The following PCDH9 variants were observed in gnomAD, a reference collection of about 807,000 sequenced individuals.
PCDH9 encodes the protein protocadherin-9.
Under a neutral mutation model 70.6 loss-of-function variants are expected in PCDH9, and 24 were observed. The observed-to-expected ratio is 0.34, with a 90% CI of 0.25 to 0.48. The LOEUF is 0.48. Among genes scored for constraint, PCDH9 ranks in the 20% least tolerant of loss-of-function variants. The pLI, the probability that PCDH9 is intolerant of heterozygous loss-of-function variation, is 0.99. For missense variants in PCDH9, 1,281 were observed against 1,503.6 expected (o/e 0.85, Z 2.45); for synonymous variants, 562 against 558.5 (o/e 1.01, Z -0.09).
At chr13:66,693,963 A>G (rs1276662103) in intron 3 of PCDH9, among the ~76,000 whole-genome samples, 1 of 152,220 alleles carries the variant, frequency 6.6e-6, no homozygotes, top group African/African-American at 2.4e-5. Context: ...CAAAAATTTA[A>G]AAAAGGAATG....
At position 67,012,818 on chromosome 13, in the gene PCDH9, A is replaced by C. The variant is rs55861079; in HGVS notation, c.3037-109213T>G. ...GATTAAAGAGTCACACTGTAGCGAA[A>C]ATTCCGAAGTGTTACTATATTATAA... On this transcript the variant is annotated intron_variant, in intron 2 of 4. Coordinates refer to ENST00000377865, the MANE Select transcript of PCDH9 (RefSeq NM_203487.3). Among the ~76,000 whole-genome samples, 776 of 152,108 alleles carry C rather than the reference A, an allele frequency of 5.1e-3. 3 individuals carry two copies. Among genetic ancestry groups the C allele is most frequent in the African/African-American group, 0.017 (722 of 41,538 alleles).
intron 2 of PCDH9, among the ~76,000 whole-genome samples, chr13:66,915,978 C>A (rs1397641013): frequency 1.3e-5 from 2 of 151,496 alleles, no homozygotes; most frequent in East Asian, 3.9e-4. Context: ...ACTTCAATAT[C>A]TGGTAGACTC....
intron 3 of PCDH9, among the ~76,000 whole-genome samples, chr13:66,747,639 A>G (rs1311154938): frequency 6.6e-6 from 1 of 152,194 alleles, no homozygotes; most frequent in Non-Finnish European, 1.5e-5. Context: ...ACAGGCATAC[A>G]TATATGCATA....
intron 2 of PCDH9, among the ~76,000 whole-genome samples, chr13:67,000,981 T>C (rs575332052): frequency 6.6e-6 from 1 of 152,352 alleles, no homozygotes; most frequent in East Asian, 1.9e-4. Flanking sequence ...CCTGTCAGTT[T>C]TCTAAGTATT....
chr13:66,456,948 G>C (rs1958329000), intron 4 of PCDH9, among the ~76,000 whole-genome samples: 1 of 152,052 alleles, frequency 6.6e-6, no homozygotes, highest in Non-Finnish European at 1.5e-5. Flanking sequence ...TATAATAACT[G>C]TGTACCCGTT....
At chr13:66,759,831 T>C (rs2079596012) in intron 3 of PCDH9, among the ~76,000 whole-genome samples, 1 of 152,024 alleles carries the variant, frequency 6.6e-6, no homozygotes, top group Admixed American at 6.6e-5. Context: ...ATTAAAATTT[T>C]GAATATTTTT....
Position 66,498,638 on chromosome 13 carries a change from A to T in PCDH9, c.3340+132572T>A, listed in dbSNP as rs140362176. Among the ~76,000 whole-genome samples the T allele has an allele frequency of 7.0e-3, 1,067 of 152,258 alleles. 34 individuals are homozygous for T. The East Asian group carries it at 0.091, about 13-fold the overall frequency. On this transcript the variant is annotated intron_variant, in intron 4 of 4. Coordinates refer to ENST00000377865, the MANE Select transcript of PCDH9 (RefSeq NM_203487.3). ...ATTCCCAACCCCACAAATATTCAACATTTCAAGTAGAGCATGCCATAATTT... is the reference window on the plus strand; with the variant it reads ...ATTCCCAACCCCACAAATATTCAACTTTTCAAGTAGAGCATGCCATAATTT...
chr13:66,896,248 G>A (rs2082176906), intron 3 of PCDH9, among the ~76,000 whole-genome samples: 3 of 151,962 alleles, frequency 2.0e-5, no homozygotes, highest in South Asian at 2.1e-4. Context: ...ATTTATACAC[G>A]GGAACTCAAC....
At chr13:66,818,729 G>A (rs903946249) in intron 3 of PCDH9, among the ~76,000 whole-genome samples, 3 of 151,926 alleles carry the variant, frequency 2.0e-5, no homozygotes, top group Non-Finnish European at 2.9e-5. Context: ...TCAGGAGATC[G>A]AGACCATCCT....
chr13:66,917,877 A>G (rs1250258269), intron 2 of PCDH9, among the ~76,000 whole-genome samples: 2 of 151,284 alleles, frequency 1.3e-5, no homozygotes, highest in African/African-American at 4.8e-5. Context: ...ACATCCCTAC[A>G]TACAGGACAT....
chr13:66,613,320 TGCATGAG>T (rs1342589444), intron 4 of PCDH9, among the ~76,000 whole-genome samples: 1 of 152,220 alleles, frequency 6.6e-6, no homozygotes, highest in Non-Finnish European at 1.5e-5. Context: ...AGGAACCACT[TGCATGAG>T]AATAAGAGGT....
intron 3 of PCDH9, among the ~76,000 whole-genome samples, chr13:66,651,039 C>T (rs1433503659): frequency 6.6e-6 from 1 of 151,348 alleles, no homozygotes. Flanking sequence ...AAAAACAATA[C>T]CCAAAGTAAA....
At chr13:66,659,890 C>T (rs2077985764) in intron 3 of PCDH9, among the ~76,000 whole-genome samples, 1 of 152,140 alleles carries the variant, frequency 6.6e-6, no homozygotes. Flanking sequence ...AAGTTAACAG[C>T]AGAGTCAAGG....
At chr13:67,223,184 C>T (rs2089771646) in intron 2 of PCDH9, 1 of 152,118 alleles carries the variant, frequency 6.6e-6, no homozygotes, top group Non-Finnish European at 1.5e-5. Context: ...TAGAGAATTA[C>T]TCAGTATCCT....
chr13:66,790,127 A>AT (rs1310547412), intron 3 of PCDH9, among the ~76,000 whole-genome samples: 22 of 152,024 alleles, frequency 1.4e-4, no homozygotes, highest in Admixed American at 8.5e-4. Context: ...TGTAAGACAA[A>AT]TTTTTTTTGG....
intron 3 of PCDH9, among the ~76,000 whole-genome samples, chr13:66,806,900 A>G (rs1328046112): frequency 6.6e-6 from 1 of 152,136 alleles, no homozygotes; most frequent in African/African-American, 2.4e-5. Flanking sequence ...GGCCATTTGT[A>G]TCCATTTATG....
At chr13:66,390,908 AG>A (rs1420064003) in intron 4 of PCDH9, among the ~76,000 whole-genome samples, 3 of 152,160 alleles carry the variant, frequency 2.0e-5, no homozygotes, top group Non-Finnish European at 4.4e-5. Flanking sequence ...GAGCATGCCA[AG>A]GCAGTTTTCC....
At chr13:66,780,598 C>T (rs2079982811) in intron 3 of PCDH9, among the ~76,000 whole-genome samples, 1 of 152,144 alleles carries the variant, frequency 6.6e-6, no homozygotes, top group Admixed American at 6.6e-5. Context: ...TCAAGACCAT[C>T]TATTTTAAAA....
chr13:67,076,315 G>A (rs2085876870), intron 2 of PCDH9, among the ~76,000 whole-genome samples: 1 of 152,096 alleles, frequency 6.6e-6, no homozygotes, highest in Non-Finnish European at 1.5e-5. Flanking sequence ...AATGGATGAG[G>A]TTTAATAAAT....
Sources: allele counts gnomAD v4.1 joint callset (sites outside exome capture counted in the v4.1 genomes callset), GRCh38; gene constraint gnomAD v4.1.1; transcripts MANE v1.5; gene names NCBI Gene and HGNC (gene_info 2026-07-23, HGNC 2026-07-21).